MAD1L1: variants seen among roughly 807,000 people sequenced by gnomAD.
MAD1L1 encodes mitotic arrest deficient 1 like 1.
Under a neutral mutation model 96.9 loss-of-function variants are expected in MAD1L1, and 95 were observed. That is an observed-to-expected ratio of 0.98 (90% CI 0.83 to 1.16). The LOEUF is 1.16. Among genes scored for constraint, MAD1L1 ranks in the 50% most tolerant of loss-of-function variants. The pLI is 0.00. For synonymous variants in MAD1L1, 473 were observed against 396.6 expected, an observed-to-expected ratio of 1.19 and a Z score of -2.29; for missense variants, 1,007 against 954.4, an observed-to-expected ratio of 1.06 and a Z score of -0.73.
intron 10 of MAD1L1, among the ~76,000 whole-genome samples, chr7:2,153,165 C>A (rs1230142741): frequency 2.0e-5 from 3 of 152,052 alleles, no homozygotes; most frequent in Non-Finnish European, 4.4e-5. Flanking sequence ...GCACAGGCAA[C>A]AAAAACAAAA....
chr7:1,942,457 A>G (rs1474413823), intron 16 of MAD1L1, among the ~76,000 whole-genome samples: 1 of 152,202 alleles, frequency 6.6e-6, no homozygotes, highest in Admixed American at 6.5e-5. Context: ...CACACATTTC[A>G]GCAGGTGCTG....
chr7:2,150,125 C>T (rs1285369837), intron 10 of MAD1L1, among the ~76,000 whole-genome samples: 1 of 152,218 alleles, frequency 6.6e-6, no homozygotes, highest in Non-Finnish European at 1.5e-5. Context: ...CACCGCACCA[C>T]TGAATGAGCA....
chr7:2,079,500 C>CT (rs2099503420), intron 11 of MAD1L1, among the ~76,000 whole-genome samples: 2 of 152,364 alleles, frequency 1.3e-5, no homozygotes, highest in East Asian at 3.9e-4. Flanking sequence ...CTCCCCGACT[C>CT]TGCCTCTGAT....
intron 17 of MAD1L1, among the ~76,000 whole-genome samples, chr7:1,924,768 TG>T (rs1788999750): frequency 6.6e-6 from 1 of 152,136 alleles, no homozygotes; most frequent in African/African-American, 2.4e-5. Context: ...TATTTCTTGG[TG>T]GGGTTTTCCA....
At chr7:2,141,349 T>C (rs931121582) in intron 11 of MAD1L1, among the ~76,000 whole-genome samples, 1 of 152,214 alleles carries the variant, frequency 6.6e-6, no homozygotes. Context: ...GGAGCCAGGA[T>C]GGGCTGGACC....
At chr7:1,971,625 T>G (rs1780411758) in intron 15 of MAD1L1, among the ~76,000 whole-genome samples, 2 of 152,178 alleles carry the variant, frequency 1.3e-5, no homozygotes, top group Admixed American at 1.3e-4. Flanking sequence ...AAGTGTAATC[T>G]CTCTCAAAAT....
intron 18 of MAD1L1, among the ~76,000 whole-genome samples, chr7:1,877,701 T>A (rs4721139): frequency 6.6e-6 from 1 of 151,936 alleles, no homozygotes; most frequent in Non-Finnish European, 1.5e-5. Flanking sequence ...GATAGGTATA[T>A]ATAAATATTA....
chr7:2,031,615 G>A (rs1483616143), intron 12 of MAD1L1, among the ~76,000 whole-genome samples: 2 of 152,210 alleles, frequency 1.3e-5, no homozygotes, highest in East Asian at 1.9e-4. Flanking sequence ...CTATGACGAC[G>A]TGGGTGCCGT....
intron 1 of MAD1L1, among the ~76,000 whole-genome samples, chr7:2,232,604 T>A (rs957122611): frequency 1.3e-5 from 2 of 152,006 alleles, no homozygotes. Flanking sequence ...AAGGGACGGC[T>A]GCGGAGACCC....
At chr7:2,149,748 C>A (rs1033434064) in intron 10 of MAD1L1, among the ~76,000 whole-genome samples, 1 of 152,210 alleles carries the variant, frequency 6.6e-6, no homozygotes, top group African/African-American at 2.4e-5. Context: ...ATTTTTTAAA[C>A]GAGGAAACTC....
At chr7:2,016,515 TAGGA>T (rs1782547158) in intron 12 of MAD1L1, among the ~76,000 whole-genome samples, 1 of 152,168 alleles carries the variant, frequency 6.6e-6, no homozygotes, top group Non-Finnish European at 1.5e-5. Context: ...GCCTGGCTCC[TAGGA>T]GAGACCGACC....
Position 1,936,833 on chromosome 7 carries a change from C to G in MAD1L1, c.1661G>C (p.Arg554Thr). ...GCTGTGGTCCTCGCGCAGGCGCTGC[C>G]TGGCCACACTGGTGGGGTTCAGGCT... ...HMSLNPTSVA[R>T]QRLREDHSQL... Residue 554 changes from arginine to threonine, a missense_variant, in exon 17 of 19, where the codon AGG becomes ACG. Arg to Thr is a moderately conservative substitution (Grantham distance 71). Coordinates refer to ENST00000265854, the MANE Select transcript of MAD1L1 (RefSeq NM_001013836.2). The G allele has an allele frequency of 6.2e-7, 1 of 1,605,520 alleles. No individual in the cohort carries two copies.
intron 10 of MAD1L1, among the ~76,000 whole-genome samples, chr7:2,169,928 T>C (rs1637762): frequency 0.066 from 6,952 of 105,348 alleles, 604 homozygotes; most frequent in African/African-American, 0.17. Context: ...CGGGGGCACT[T>C]GGAGCAGGGG....
chr7:2,074,528 A>G (rs552021339), intron 11 of MAD1L1, among the ~76,000 whole-genome samples: 33 of 152,214 alleles, frequency 2.2e-4, no homozygotes, highest in Non-Finnish European at 4.1e-4. Context: ...GCAGCAGCCC[A>G]TGGAGCTGGC....
intron 11 of MAD1L1, among the ~76,000 whole-genome samples, chr7:2,102,694 C>T (rs1786874625): frequency 6.6e-6 from 1 of 151,810 alleles, no homozygotes; most frequent in Non-Finnish European, 1.5e-5. Flanking sequence ...CTCTCCACAC[C>T]ATCACCACCG....
chr7:2,150,642 T>C (rs2128580888), intron 10 of MAD1L1, among the ~76,000 whole-genome samples: 1 of 152,300 alleles, frequency 6.6e-6, no homozygotes, highest in Admixed American at 6.5e-5. Flanking sequence ...CAGCATTAGT[T>C]TGGTGTTTCT....
intron 18 of MAD1L1, among the ~76,000 whole-genome samples, chr7:1,868,707 G>C (rs982221794): frequency 5.3e-5 from 8 of 152,238 alleles, no homozygotes; most frequent in African/African-American, 1.9e-4. Context: ...CTTAACCAGA[G>C]GCGAGAGTTC....
chr7:2,127,730 C>T (rs2128565876), intron 11 of MAD1L1, among the ~76,000 whole-genome samples: 1 of 152,284 alleles, frequency 6.6e-6, no homozygotes, highest in African/African-American at 2.4e-5. Context: ...ATCTCACGCC[C>T]ACCAAAGACC....
At chr7:2,075,433 A>G (rs1028498082) in intron 11 of MAD1L1, among the ~76,000 whole-genome samples, 6 of 152,182 alleles carry the variant, frequency 3.9e-5, no homozygotes, top group Non-Finnish European at 8.8e-5. Flanking sequence ...TCTCTGTTCA[A>G]TCCCGGCCTT....
Sources: allele counts gnomAD v4.1 joint callset (sites outside exome capture counted in the v4.1 genomes callset), GRCh38; gene constraint gnomAD v4.1.1; transcripts MANE v1.5; gene names NCBI Gene and HGNC (gene_info 2026-07-23, HGNC 2026-07-21).